BUB1: variants seen among roughly 807,000 people sequenced by gnomAD.
BUB1 encodes the protein mitotic checkpoint serine/threonine-protein kinase BUB1.
A neutral mutation model predicts 135.2 loss-of-function variants in BUB1; 84 were observed. That is an observed-to-expected ratio of 0.62 (90% CI 0.52 to 0.74). The LOEUF is 0.74. Ranked by LOEUF, BUB1 falls within the 30% of genes least tolerant of loss-of-function variation. BUB1 has a pLI of 0.00. For synonymous variants in BUB1, 403 were observed against 434.4 expected (o/e 0.93, Z 0.90); for missense variants, 1,162 against 1,288.3 (o/e 0.90, Z 1.50).
At chr2:110,638,251 CAG>C (rs1332019168) in intron 24 of BUB1, 92 bp from the exon 25 acceptor site, 1 of 1,019,344 alleles carries the variant, frequency 9.8e-7, no homozygotes, top group Non-Finnish European at 1.4e-6. Context: ...CAGGCTTGGA[CAG>C]TTTAGTATAA....
chr2:110,661,005 T>TA (rs1302162663), intron 10 of BUB1: 2 of 152,198 alleles, frequency 1.3e-5, no homozygotes, highest in African/African-American at 4.8e-5. Context: ...CAAATCCCTA[T>TA]AAAAACGAGC....
intron 19 of BUB1, among the ~76,000 whole-genome samples, chr2:110,646,190 G>C (rs973821215): frequency 7.9e-6 from 1 of 125,918 alleles, no homozygotes; most frequent in South Asian, 2.6e-4. Context: ...AAAAAAAAAA[G>C]CTGCATGTTG....
At position 110,638,150 on chromosome 2, in the gene BUB1, A is replaced by G; in HGVS notation, c.3072T>C (p.His1024=). 1 of 1,594,224 alleles carries G rather than the reference A, an allele frequency of 6.3e-7. No homozygotes were observed. Among genetic ancestry groups the G allele is most frequent in the East Asian group, 2.2e-5 (1 of 44,634 alleles). ...KPEGLFRRLP[H]LDMWNEFFHV... ...GAAAAAATTCATTCCACATATCCAA[A>G]TGAGGAAGCCTGAAAAAGACAAAGC... Residue 1024 remains histidine (H), a synonymous_variant, in exon 25 of 25, where the codon CAT becomes CAC. Coordinates refer to ENST00000302759, the MANE Select transcript of BUB1 (RefSeq NM_004336.5).
chr2:110,674,389 A>T (rs369623557), intron 1 of BUB1, 24 bp from the exon 2 acceptor site: 2 of 1,608,980 alleles, frequency 1.2e-6, no homozygotes, highest in Non-Finnish European at 1.7e-6. Flanking sequence ...AGGTATGCAC[A>T]TGGGATATTA....
chr2:110,641,150 G>A lies in BUB1; in HGVS notation c.2839C>T (p.Leu947=). The A allele has an allele frequency of 6.2e-7, 1 of 1,612,840 alleles. No individual in the cohort carries two copies. ...DLSAGLALID[L]GQSIDMKLFP... ...AGTTTCATATCTATACTCTGACCCAGGTCAATCAGTGCCAAGCCAGCAGAT... is the reference window on the plus strand; with the variant it reads ...AGTTTCATATCTATACTCTGACCCAAGTCAATCAGTGCCAAGCCAGCAGAT... Residue 947 remains leucine, a synonymous_variant, in exon 23 of 25, where the codon CTG becomes TTG. Transcript: ENST00000302759.
chr2:110,673,905 T>C (rs958475123), intron 3 of BUB1, among the ~76,000 whole-genome samples, 181 bp downstream of exon 3: 2 of 152,156 alleles, frequency 1.3e-5, no homozygotes, highest in Non-Finnish European at 2.9e-5. Context: ...AGCCCCTACA[T>C]ACTTTTTAAT....
chr2:110,662,053 C>A (rs148871577), intron 9 of BUB1: 2 of 544,062 alleles, frequency 3.7e-6, no homozygotes, highest in African/African-American at 1.9e-5. Flanking sequence ...AGCTTCTGAA[C>A]CACAGACACC....
At chr2:110,674,017 C>T (rs1050611777) in intron 3 of BUB1, 69 bp downstream of exon 3, 44 of 1,247,062 alleles carry the variant, frequency 3.5e-5, no homozygotes, top group Non-Finnish European at 4.7e-5. Flanking sequence ...AATGATCTTA[C>T]AATCTAAGTT....
rs114196345 is a variant in BUB1 at position 110,648,175 on chromosome 2, G to A, written c.2347+1059C>T. On this transcript the variant is annotated intron_variant, in intron 19 of 24. Transcript: ENST00000302759. The surrounding 1 kb of genome is among the most constrained non-coding windows in gnomAD (Gnocchi z 4.2). ...CATTAGATGAGTGGAAAGGTTTAAC[G>A]GTGTGGTACATTCATGCACTAAACA... Among the ~76,000 whole-genome samples, 180 of 151,882 alleles carry A rather than the reference G, an allele frequency of 1.2e-3. 1 individual carries two copies. The highest frequency in any genetic ancestry group is 4.1e-3 in the African/African-American group (169 of 41,402).
chr2:110,663,079 G>A (rs767351448), intron 9 of BUB1, among the ~76,000 whole-genome samples: 2 of 152,100 alleles, frequency 1.3e-5, no homozygotes, highest in African/African-American at 4.8e-5. Flanking sequence ...AGGAGTTCAC[G>A]ATCAGCCTGG....
intron 15 of BUB1, among the ~76,000 whole-genome samples, chr2:110,656,591 A>C (rs1172801507): frequency 6.6e-6 from 1 of 152,230 alleles, no homozygotes; most frequent in Non-Finnish European, 1.5e-5. Context: ...ACATCATATT[A>C]GGGGATATCT....
In BUB1 at chr2:110,657,608, C is replaced by G; in HGVS notation, c.1554G>C (p.Lys518Asn). Reference protein sequence around the residue: ...VRSSGAWGVNKIISSLSSAFH... With the variant: ...VRSSGAWGVNNIISSLSSAFH... ...AAGCAGATGACAAAGAAGAGATGAT[C>G]TTATTGACTCCCCAAGCCCCAGATG... The change falls in exon 14 of 25, where the codon AAG becomes AAC. Residue 518 changes from lysine to asparagine, a missense_variant. Coordinates refer to ENST00000302759, the MANE Select transcript of BUB1 (RefSeq NM_004336.5). 6.2e-7 allele frequency: 1 copy of G among 1,605,704 alleles called. No homozygotes were observed. The highest frequency in any genetic ancestry group is 8.5e-7 in the Non-Finnish European group (1 of 1,175,644).
chr2:110,676,293 C>T (rs542287369), intron 1 of BUB1, among the ~76,000 whole-genome samples: 2 of 152,088 alleles, frequency 1.3e-5, no homozygotes, highest in South Asian at 2.1e-4. Context: ...AAATTCACTT[C>T]GCTGAGAAAC....
rs566406450 is a variant in BUB1, at chr2:110,672,949, G to C, written c.226-92C>G. Reference sequence around the variant, plus strand: ...TAGCCAGCTAAGCTGGGAGCCCCTAGGTAGCTTCGGATGGGAGCTGGTCAT... The same window carrying C: ...TAGCCAGCTAAGCTGGGAGCCCCTACGTAGCTTCGGATGGGAGCTGGTCAT... On this transcript the variant is annotated intron_variant, in intron 3 of 24. Coordinates refer to ENST00000302759, the MANE Select transcript of BUB1 (RefSeq NM_004336.5). 3.8e-6 allele frequency: 5 copies of C among 1,306,696 alleles called. No individual in the cohort carries two copies. In the South Asian group the frequency reaches 6.8e-5, roughly 18 times the overall value. 80.9% of individuals were successfully genotyped at this position (1,306,696 alleles called of 1,614,324 possible).
intron 4 of BUB1, among the ~76,000 whole-genome samples, chr2:110,672,390 T>C (rs112324529): frequency 0.029 from 4,385 of 152,312 alleles, 90 homozygotes; most frequent in Middle Eastern, 0.068. Flanking sequence ...TCTTTGTATG[T>C]ATAACTAGAC....
At chr2:110,649,901 T>C (rs1471575233) in intron 18 of BUB1, among the ~76,000 whole-genome samples, 1 of 152,102 alleles carries the variant, frequency 6.6e-6, no homozygotes, top group East Asian at 1.9e-4. Flanking sequence ...TTACAAAAAA[T>C]TATATTAGTG....
At chr2:110,677,910 GC>G in intron 1 of BUB1, 59 bp downstream of exon 1, 1 of 1,567,806 alleles carries the variant, frequency 6.4e-7, no homozygotes, top group Non-Finnish European at 8.7e-7. Flanking sequence ...GGCGGGCCGG[GC>G]CCGAACCCCA....
At chr2:110,643,764 C>T (rs1047991281) in intron 19 of BUB1, among the ~76,000 whole-genome samples, 2 of 152,100 alleles carry the variant, frequency 1.3e-5, no homozygotes, top group African/African-American at 4.8e-5. Flanking sequence ...CTCAGCCTCC[C>T]AAAGTGGTGG....
intron 1 of BUB1, chr2:110,676,593 G>C (rs1206633888): frequency 2.0e-5 from 3 of 152,150 alleles, no homozygotes; most frequent in Non-Finnish European, 4.4e-5. Flanking sequence ...TGACTGCTTA[G>C]ATCAATTAGG....
Sources: gnomAD v4.1 joint callset for allele counts (sites outside exome capture counted in the v4.1 genomes callset) on GRCh38, gnomAD v4.1.1 for gene constraint, Gnocchi (gnomAD v3.1) non-coding constraint, MANE v1.5 for transcripts, NCBI Gene and HGNC (gene_info 2026-07-23, HGNC 2026-07-21) for gene names.